Variants in SNX8 observed in about 807,000 individuals in gnomAD.
SNX8 encodes the protein sorting nexin 8.
In SNX8, 25 loss-of-function variants were observed where a neutral mutation model predicts 51.6. That is an observed-to-expected ratio of 0.48 (90% CI 0.35 to 0.68). The LOEUF (loss-of-function observed/expected upper bound fraction) is 0.68, where lower values mean the gene tolerates loss of function less well. Ranked by LOEUF, SNX8 falls within the 30% of genes least tolerant of loss-of-function variation. SNX8 has a pLI of 0.00. For missense variants in SNX8, 695 were observed against 624.0 expected, an observed-to-expected ratio of 1.11 and a Z score of -1.21; for synonymous variants, 324 against 277.0, an observed-to-expected ratio of 1.17 and a Z score of -1.68.
intron 5 of SNX8, among the ~76,000 whole-genome samples, 170 bp from the exon 6 acceptor site, chr7:2,264,628 A>C (rs535402329): frequency 6.6e-6 from 1 of 152,316 alleles, no homozygotes; most frequent in Non-Finnish European, 1.5e-5. Flanking sequence ...GTGTCCAAAA[A>C]AGAAACAAAA....
intron 1 of SNX8, among the ~76,000 whole-genome samples, chr7:2,346,518 TGG>T (rs2115249965): frequency 6.7e-6 from 1 of 149,312 alleles, no homozygotes. Flanking sequence ...GAGGCCGAGG[TGG>T]GAGGATCACG....
At chr7:2,263,490 G>T in intron 6 of SNX8, 128 bp from the exon 7 acceptor site, 1 of 935,172 alleles carries the variant, frequency 1.1e-6, no homozygotes, top group Non-Finnish European at 1.6e-6. Context: ...GGACCCTGCT[G>T]CTCAAAGAGT....
chr7:2,352,876 G>A (rs2099717032), intron 1 of SNX8, among the ~76,000 whole-genome samples: 1 of 152,066 alleles, frequency 6.6e-6, no homozygotes, highest in African/African-American at 2.4e-5. Flanking sequence ...TTGTACAGAT[G>A]CGGAAACTGA....
intron 1 of SNX8, among the ~76,000 whole-genome samples, chr7:2,336,060 A>G (rs1037025099): frequency 2.7e-5 from 4 of 148,546 alleles, no homozygotes; most frequent in Non-Finnish European, 5.9e-5. Context: ...TCAAGATCAC[A>G]CCACTGCACT....
chr7:2,338,815 C>G (rs948911343), intron 1 of SNX8, among the ~76,000 whole-genome samples: 7 of 152,250 alleles, frequency 4.6e-5, no homozygotes, highest in Admixed American at 1.3e-4. Flanking sequence ...ATAATTTCAG[C>G]ACTTTGGGAG....
chr7:2,273,070 G>A (rs966422973), intron 3 of SNX8, among the ~76,000 whole-genome samples: 2 of 151,998 alleles, frequency 1.3e-5, no homozygotes, highest in African/African-American at 2.4e-5. Context: ...CTGACCTCAG[G>A]TGATCCGCCC....
At chr7:2,349,593 C>T (rs1014983139) in intron 1 of SNX8, among the ~76,000 whole-genome samples, 7 of 151,490 alleles carry the variant, frequency 4.6e-5, no homozygotes, top group East Asian at 2.0e-4. Context: ...TACAGGAGCA[C>T]GCCCCCACAC....
At chr7:2,351,699 CAG>C (rs1562467125) in intron 1 of SNX8, among the ~76,000 whole-genome samples, 3 of 151,518 alleles carry the variant, frequency 2.0e-5, no homozygotes, top group Non-Finnish European at 2.9e-5. Context: ...GGTGTGGTGG[CAG>C]GCGCCTGTAG....
In SNX8 at chr7:2,276,441, G is replaced by A. The variant is rs751584271; in HGVS notation, c.301-1212C>T. 5.3e-5 allele frequency among the ~76,000 whole-genome samples: 8 copies of A among 152,298 alleles called. No homozygotes were observed. In the East Asian group the frequency reaches 9.6e-4, roughly 18 times the overall value. On this transcript the variant is annotated intron_variant, in intron 2 of 10. Transcript: ENST00000222990. Reference sequence around the variant, plus strand: ...AGCAGTACTGACAACCATTCGGACCGTGTGGCCACAGGCTCTGGAACACAG... The same window carrying A: ...AGCAGTACTGACAACCATTCGGACCATGTGGCCACAGGCTCTGGAACACAG...
At chr7:2,262,279 G>C (rs1364785251) in intron 7 of SNX8, among the ~76,000 whole-genome samples, 2 of 152,164 alleles carry the variant, frequency 1.3e-5, no homozygotes, top group East Asian at 1.9e-4. Context: ...GGCTCAAGCA[G>C]TCCTCCTGCC....
At chr7:2,319,406 T>C (rs1386158554), upstream of SNX8, among the ~76,000 whole-genome samples, 1 of 149,984 alleles carries the variant, frequency 6.7e-6, no homozygotes. Context: ...ACGCCTGTAA[T>C]CCCAGCACTT....
At chr7:2,270,501 G>A (rs1362560078) in intron 4 of SNX8, among the ~76,000 whole-genome samples, 2 of 151,944 alleles carry the variant, frequency 1.3e-5, no homozygotes, top group East Asian at 3.9e-4. Context: ...GCCGGGAAGT[G>A]ACAGAGAATG....
chr7:2,279,588 C>CA (rs1423505587), intron 1 of SNX8, among the ~76,000 whole-genome samples: 1 of 151,824 alleles, frequency 6.6e-6, no homozygotes, highest in Non-Finnish European at 1.5e-5. Context: ...CCCATCGCTA[C>CA]AAAAAATACA....
rs999779131 is a variant in SNX8, at chr7:2,327,224, ATTTCCTT to A, written c.-66+26991_-66+26997del. Among the ~76,000 whole-genome samples, 8 of 151,752 alleles carry A rather than the reference ATTTCCTT, an allele frequency of 5.3e-5. No individual in the cohort carries two copies. In the Admixed American group the frequency reaches 5.3e-4, roughly 10 times the overall value. ...CCTTGTATGTCTGTCTTCACAAGGC[ATTTCCTT>A]TTTCCTTTTATTTTCTTTTTTGTTT... On this transcript the variant is annotated intron_variant, in intron 1 of 5. Coordinates refer to the SNX8 transcript ENST00000435336.
At chr7:2,272,091 C>T (rs1795662661) in intron 3 of SNX8, 120 bp from the exon 4 acceptor site, 2 of 1,394,508 alleles carry the variant, frequency 1.4e-6, no homozygotes, top group Non-Finnish European at 2.0e-6. Flanking sequence ...TAGCAGAGGG[C>T]ACTGGCTGGG....
At chr7:2,275,427 C>T (rs921271947) in intron 2 of SNX8, among the ~76,000 whole-genome samples, 198 bp from the exon 3 acceptor site, 8 of 152,228 alleles carry the variant, frequency 5.3e-5, no homozygotes, top group African/African-American at 7.2e-5. Context: ...AGGCCGGGTG[C>T]GGTGGCTCCC....
intron 7 of SNX8, among the ~76,000 whole-genome samples, chr7:2,260,498 T>C (rs896705155): frequency 6.6e-6 from 1 of 152,128 alleles, no homozygotes; most frequent in Non-Finnish European, 1.5e-5. Context: ...CATTAATGCA[T>C]GCGCCTTTAA....
intron 1 of SNX8, among the ~76,000 whole-genome samples, chr7:2,305,004 G>C (rs1796514855): frequency 6.6e-6 from 1 of 152,204 alleles, no homozygotes; most frequent in Non-Finnish European, 1.5e-5. Context: ...GCTTTTGGCT[G>C]AGAGTGAGGT....
At chr7:2,292,158 G>T (rs1405129345) in intron 1 of SNX8, among the ~76,000 whole-genome samples, 3 of 151,954 alleles carry the variant, frequency 2.0e-5, no homozygotes, top group Non-Finnish European at 4.4e-5. Flanking sequence ...AGCTACTTGG[G>T]AGGCTGAGGC....
Sources: allele counts gnomAD v4.1 joint callset (sites outside exome capture counted in the v4.1 genomes callset), GRCh38; gene constraint gnomAD v4.1.1; transcripts MANE v1.5; gene names NCBI Gene and HGNC (gene_info 2026-07-23, HGNC 2026-07-21).